Variants in STON2 observed in about 807,000 individuals in gnomAD.
The protein encoded by STON2 is stonin 2, also known as stonin-2.
A neutral mutation model predicts 65.7 loss-of-function variants in STON2; 29 were observed. That is an observed-to-expected ratio of 0.44 (90% CI 0.33 to 0.60). STON2 has a LOEUF of 0.60. Ranked by LOEUF, STON2 falls within the 20% of genes least tolerant of loss-of-function variation. The pLI is 0.03. For synonymous variants in STON2, 404 were observed against 414.2 expected (o/e 0.98, Z 0.30); for missense variants, 1,054 against 1,118.1 (o/e 0.94, Z 0.82).
intron 5 of STON2, among the ~76,000 whole-genome samples, chr14:81,284,707 T>C (rs1483377079): frequency 6.6e-6 from 1 of 152,062 alleles, no homozygotes; most frequent in Non-Finnish European, 1.5e-5. Context: ...AGCCTTTTAC[T>C]GGAAGAAGAT....
intron 1 of STON2, among the ~76,000 whole-genome samples, chr14:81,431,806 G>T (rs978375748): frequency 6.6e-6 from 1 of 151,540 alleles, no homozygotes; most frequent in South Asian, 2.1e-4. Context: ...TTAGCTGGGC[G>T]TGGTGGTGGG....
chr14:81,433,800 T>C (rs576196266), intron 1 of STON2, among the ~76,000 whole-genome samples: 1 of 152,320 alleles, frequency 6.6e-6, no homozygotes, highest in Non-Finnish European at 1.5e-5. Context: ...TATGCCTGAC[T>C]TACACTGGAC....
At chr14:81,341,840 T>C (rs1897626102) in intron 4 of STON2, among the ~76,000 whole-genome samples, 1 of 152,182 alleles carries the variant, frequency 6.6e-6, no homozygotes, top group Non-Finnish European at 1.5e-5. Context: ...TAACAGATAA[T>C]CTCAGAATCT....
chr14:81,406,411 A>G lies in STON2; in HGVS notation c.-198-7831T>C, dbSNP rs531885330. 1.5e-4 allele frequency among the ~76,000 whole-genome samples: 23 copies of G among 152,260 alleles called. No homozygotes were observed. The South Asian group carries it at 3.9e-3, about 26-fold the overall frequency. On this transcript the variant is annotated intron_variant, in intron 2 of 8. Transcript: ENST00000553821. The stretch of plus-strand genomic sequence containing the variant: ...AGTCTGACCCTCTGCCTTTTTTGGT[A>G]AATAAAGTTGTATTATTAGTATATT...
rs776896618 is a variant in STON2, at chr14:81,270,627, C to A, written c.2784+43G>T. The A allele has an allele frequency of 5.6e-6, 9 of 1,613,960 alleles. No homozygotes were observed. In the Admixed American group the frequency reaches 1.5e-4, roughly 27 times the overall value. ...AAGAGGGGGAGGGTAGTGGGGTGAA[C>A]AAATGGAGTTGGAAGCATTAGCCAG... On this transcript the variant is annotated intron_variant, in intron 7 of 7. Coordinates refer to ENST00000614646, the MANE Select transcript of STON2 (RefSeq NM_001394390.1).
At position 81,278,391 on chromosome 14, in the gene STON2, G is replaced by A. The variant is rs750424538; in HGVS notation, c.1091C>T (p.Ser364Leu). Residue 364 changes from serine to leucine, a missense_variant, in exon 6 of 8, where the codon TCA becomes TTA. Physicochemically the swap from Ser to Leu is moderately radical, Grantham distance 145. Coordinates refer to ENST00000614646, the MANE Select transcript of STON2 (RefSeq NM_001394390.1). ...GAAAGGGTTGGTTGCCCTCCAAGGTGAAGCCTCAGTTACAGAAGGCGTGCG... is the reference window on the plus strand; with the variant it reads ...GAAAGGGTTGGTTGCCCTCCAAGGTAAAGCCTCAGTTACAGAAGGCGTGCG... ...LNRTPSVTEA[S>L]PWRATNPFLN... 1.2e-6 allele frequency: 2 copies of A among 1,614,182 alleles called. No homozygotes were observed. Among genetic ancestry groups the A allele is most frequent in the African/African-American group, 1.3e-5 (1 of 75,046 alleles).
chr14:81,373,234 A>G (rs1899085055), intron 3 of STON2, among the ~76,000 whole-genome samples: 1 of 152,142 alleles, frequency 6.6e-6, no homozygotes, highest in South Asian at 2.1e-4. Context: ...GGTTATATCA[A>G]CAGAAGCACC....
At chr14:81,393,097 G>A (rs186886210) in intron 3 of STON2, among the ~76,000 whole-genome samples, 1 of 152,252 alleles carries the variant, frequency 6.6e-6, no homozygotes, top group East Asian at 1.9e-4. Context: ...CAAAAGCATT[G>A]TCAGTCACAA....
exon 1 of STON2, chr14:81,436,430 C>G (rs1394520971): frequency 6.6e-6 from 1 of 151,644 alleles, no homozygotes; most frequent in African/African-American, 2.4e-5. Flanking sequence ...CGCCACGATC[C>G]CTCCCGGCCG....
At chr14:81,376,213 T>A (rs1421526779) in intron 3 of STON2, among the ~76,000 whole-genome samples, 1 of 151,544 alleles carries the variant, frequency 6.6e-6, no homozygotes, top group African/African-American at 2.4e-5. Flanking sequence ...ATTTAAAAAA[T>A]TTTAAAATAC....
At chr14:81,417,408 A>G (rs2139882492) in intron 2 of STON2, among the ~76,000 whole-genome samples, 1 of 152,310 alleles carries the variant, frequency 6.6e-6, no homozygotes, top group Non-Finnish European at 1.5e-5. Flanking sequence ...TAGAGAAAAC[A>G]CCTTATAGCC....
In STON2 at chr14:81,304,126, T is replaced by C. The variant is rs567058650; in HGVS notation, c.742+19891A>G. On this transcript the variant is annotated intron_variant, in intron 5 of 7. Coordinates refer to ENST00000614646, the MANE Select transcript of STON2 (RefSeq NM_001394390.1). ...CCCAATACTCTCTTGTAGAGTCAAA[T>C]AGTTGTTCTTTTACGTATCTCATCT... Among the ~76,000 whole-genome samples, 48 of 152,192 alleles carry C rather than the reference T, an allele frequency of 3.2e-4. 1 individual carries two copies. Among genetic ancestry groups the C allele is most frequent in the South Asian group, 4.1e-4 (2 of 4,830 alleles).
intron 4 of STON2, among the ~76,000 whole-genome samples, chr14:81,345,412 T>A (rs1897773235): frequency 6.6e-6 from 1 of 152,182 alleles, no homozygotes; most frequent in Non-Finnish European, 1.5e-5. Flanking sequence ...ACTGGCCATC[T>A]CCCAGCCAAG....
intron 3 of STON2, chr14:81,394,867 T>TG (rs1385145167): frequency 1.3e-5 from 2 of 152,228 alleles, no homozygotes; most frequent in Non-Finnish European, 2.9e-5. Flanking sequence ...GATGGACTTC[T>TG]GAAATACAGA....
rs184429592 is a variant in STON2, at chr14:81,319,937, T to A, written c.742+4080A>T. On this transcript the variant is annotated intron_variant, in intron 5 of 7. Transcript: ENST00000614646. ...GGGACCATGTCCAGGGAACTACGTA[T>A]CAGTTGGCTATGTTAGTATAACAAA... is the stretch of plus-strand genomic sequence containing the variant. Among the ~76,000 whole-genome samples, 10 of 152,314 alleles carry A rather than the reference T, an allele frequency of 6.6e-5. No individual in the cohort carries two copies. In the East Asian group the frequency reaches 1.9e-3, roughly 29 times the overall value.
At chr14:81,347,902 C>CAAAA (rs755109204) in intron 4 of STON2, among the ~76,000 whole-genome samples, 1,108 of 51,120 alleles carry the variant, frequency 0.022, 13 homozygotes, top group Non-Finnish European at 0.029. Flanking sequence ...TGTCTCTTAC[C>CAAAA]AAAAAAAAAA....
intron 4 of STON2, among the ~76,000 whole-genome samples, chr14:81,343,186 T>C (rs1414958561): frequency 1.3e-5 from 2 of 152,180 alleles, no homozygotes; most frequent in Non-Finnish European, 2.9e-5. Flanking sequence ...TAGCAGACAC[T>C]GAGGGAAAGG....
At chr14:81,373,418 C>T (rs141923151) in intron 3 of STON2, among the ~76,000 whole-genome samples, 192 of 152,204 alleles carry the variant, frequency 1.3e-3, no homozygotes, top group African/African-American at 4.4e-3. Flanking sequence ...TAAAAGCTTG[C>T]TATATGATGC....
chr14:81,430,466 C>T (rs776871513), intron 1 of STON2, among the ~76,000 whole-genome samples: 16 of 152,186 alleles, frequency 1.1e-4, no homozygotes, highest in Admixed American at 9.8e-4. Context: ...TCACACTCTT[C>T]GCTGTGATGA....
Sources: gnomAD v4.1 joint callset for allele counts (sites outside exome capture counted in the v4.1 genomes callset) on GRCh38, gnomAD v4.1.1 for gene constraint, MANE v1.5 for transcripts, NCBI Gene and HGNC (gene_info 2026-07-23, HGNC 2026-07-21) for gene names.